PRKAG2: variants seen among roughly 807,000 people sequenced by gnomAD.
The protein encoded by PRKAG2 is 5'-AMP-activated protein kinase subunit gamma-2.
A neutral mutation model predicts 69.6 loss-of-function variants in PRKAG2; 26 were observed. That is an observed-to-expected ratio of 0.37 (90% confidence interval 0.27 to 0.52). PRKAG2 has a LOEUF of 0.52. Ranked by LOEUF, PRKAG2 falls within the 20% of genes least tolerant of loss-of-function variation. PRKAG2 has a pLI of 0.90. For missense variants in PRKAG2, 557 were observed against 740.0 expected (o/e 0.75, Z 2.87); for synonymous variants, 293 against 285.0 (o/e 1.03, Z -0.28).
intron 1 of PRKAG2, chr7:151,809,558 AGGTTCCCTG>A: frequency 4.4e-6 from 1 of 226,490 alleles, no homozygotes; most frequent in South Asian, 4.9e-5. Flanking sequence ...GGATACCTCC[AGGTTCCCTG>A]CCAGCTCACT....
At chr7:151,661,704 C>A (rs776017423) in intron 4 of PRKAG2, among the ~76,000 whole-genome samples, 2 of 152,166 alleles carry the variant, frequency 1.3e-5, no homozygotes, top group Non-Finnish European at 2.9e-5. Flanking sequence ...CACAACCCTT[C>A]GAAACAGGTT....
intron 3 of PRKAG2, among the ~76,000 whole-genome samples, chr7:151,761,775 T>C (rs182475707): frequency 6.6e-6 from 1 of 152,318 alleles, no homozygotes; most frequent in Non-Finnish European, 1.5e-5. Flanking sequence ...GCAATGACAT[T>C]GGTGCTGCCA....
chr7:151,775,661 C>T (rs145254868), intron 3 of PRKAG2, among the ~76,000 whole-genome samples: 11 of 152,226 alleles, frequency 7.2e-5, no homozygotes, highest in South Asian at 4.1e-4. Context: ...CGCTATTACA[C>T]GATTAATGTC....
intron 4 of PRKAG2, among the ~76,000 whole-genome samples, chr7:151,668,242 T>C (rs56190224): frequency 0.09 from 13,696 of 152,286 alleles, 838 homozygotes; most frequent in South Asian, 0.21. Context: ...CTGCTCCCTT[T>C]CTGCTTTCCA....
intron 5 of PRKAG2, among the ~76,000 whole-genome samples, chr7:151,611,819 C>T (rs113769875): frequency 0.096 from 14,664 of 152,136 alleles, 946 homozygotes; most frequent in Non-Finnish European, 0.14. Context: ...TTTGGGAGGA[C>T]GAGGCGGGCA....
intron 4 of PRKAG2, among the ~76,000 whole-genome samples, chr7:151,643,664 CCA>C (rs1355011246): frequency 1.3e-5 from 2 of 152,218 alleles, no homozygotes; most frequent in Admixed American, 6.5e-5. Context: ...CATTTACTAT[CCA>C]CAGTGTTACA....
chr7:151,745,266 G>A (rs768661346), intron 3 of PRKAG2, among the ~76,000 whole-genome samples: 50 of 152,174 alleles, frequency 3.3e-4, no homozygotes, highest in African/African-American at 8.4e-4. Flanking sequence ...GGTCCCCTCC[G>A]CGCCGGGGAG....
At chr7:151,605,610 G>A (rs1466022072) in intron 5 of PRKAG2, among the ~76,000 whole-genome samples, 1 of 151,316 alleles carries the variant, frequency 6.6e-6, no homozygotes, top group Non-Finnish European at 1.5e-5. Flanking sequence ...AGTGGTGCAT[G>A]CCTGTAATCC....
intron 3 of PRKAG2, among the ~76,000 whole-genome samples, chr7:151,702,420 C>T (rs1370624286): frequency 1.3e-5 from 2 of 152,182 alleles, no homozygotes; most frequent in African/African-American, 2.4e-5. Flanking sequence ...TGACAGCAGA[C>T]GGATGGGGAT....
chr7:151,594,418 C>T (rs942378053), intron 6 of PRKAG2, among the ~76,000 whole-genome samples: 1 of 152,128 alleles, frequency 6.6e-6, no homozygotes, highest in East Asian at 1.9e-4. Flanking sequence ...AGTTTGATCA[C>T]GGTATTGAGT....
chr7:151,821,981 A>G (rs76549296), intron 1 of PRKAG2, among the ~76,000 whole-genome samples: 6,842 of 152,290 alleles, frequency 0.045, 157 homozygotes, highest in African/African-American at 0.062. Flanking sequence ...ACAGGGCCTG[A>G]GAGCTGCTGG....
intron 3 of PRKAG2, among the ~76,000 whole-genome samples, chr7:151,697,838 G>C (rs1343041850): frequency 6.6e-6 from 1 of 152,142 alleles, no homozygotes; most frequent in Admixed American, 6.5e-5. Flanking sequence ...GTGGCTCAAG[G>C]CTGCCAGGAT....
chr7:151,560,837 T>A (rs1804786786), intron 14 of PRKAG2, among the ~76,000 whole-genome samples: 1 of 152,122 alleles, frequency 6.6e-6, no homozygotes, highest in Non-Finnish European at 1.5e-5. Flanking sequence ...TGCTTGAGCC[T>A]GGGAAGTGGA....
At chr7:151,652,226 G>T (rs932760798) in intron 4 of PRKAG2, among the ~76,000 whole-genome samples, 2 of 152,168 alleles carry the variant, frequency 1.3e-5, no homozygotes, top group African/African-American at 4.8e-5. Flanking sequence ...ATTATCTGAA[G>T]AGGTAAACCA....
At position 151,782,151 on chromosome 7, in the gene PRKAG2, C is replaced by T. The variant is rs192005752; in HGVS notation, c.187-720G>A. Among the ~76,000 whole-genome samples the T allele has an allele frequency of 9.4e-3, 1,431 of 151,932 alleles. 9 individuals carry two copies. The highest frequency in any genetic ancestry group is 0.015 in the Non-Finnish European group (1,024 of 67,966). ...AAAAAAAATTAGCTGGGCATGGTGG[C>T]GGGCGCCTGTAATCCCAGCTACTCA... On this transcript the variant is annotated intron_variant, in intron 2 of 15. Coordinates refer to ENST00000287878, the MANE Select transcript of PRKAG2 (RefSeq NM_016203.4).
intron 1 of PRKAG2, among the ~76,000 whole-genome samples, chr7:151,846,422 C>T (rs561043901): frequency 1.0e-3 from 155 of 151,948 alleles, no homozygotes; most frequent in African/African-American, 3.5e-3. Context: ...GAGCCAAGAT[C>T]GCACCACTGC....
chr7:151,715,216 GT>G (rs1586001687), intron 3 of PRKAG2, among the ~76,000 whole-genome samples: 2 of 140,640 alleles, frequency 1.4e-5, no homozygotes, highest in East Asian at 4.2e-4. Flanking sequence ...GGGTTTCGCC[GT>G]GTTGGCCAGG....
chr7:151,840,015 G>C (rs2079238704), intron 1 of PRKAG2, among the ~76,000 whole-genome samples: 1 of 152,200 alleles, frequency 6.6e-6, no homozygotes, highest in East Asian at 1.9e-4. Context: ...GAGAGTGGGG[G>C]CTGGAGCGGT....
intron 3 of PRKAG2, among the ~76,000 whole-genome samples, chr7:151,763,801 C>A (rs932847705): frequency 6.6e-6 from 1 of 152,254 alleles, no homozygotes; most frequent in African/African-American, 2.4e-5. Flanking sequence ...CTGGCTGATG[C>A]CGTCCAGGGC....
Sources: gnomAD v4.1 joint callset for allele counts (sites outside exome capture counted in the v4.1 genomes callset) on GRCh38, gnomAD v4.1.1 for gene constraint, MANE v1.5 for transcripts, NCBI Gene and HGNC (gene_info 2026-07-23, HGNC 2026-07-21) for gene names.